The following FAM200B variants were observed in gnomAD, a reference collection of about 807,000 sequenced individuals.
FAM200B encodes the protein protein FAM200B.
In FAM200B, 32 loss-of-function variants were observed where a neutral mutation model predicts 33.1. That is an observed-to-expected ratio of 0.97 (90% confidence interval 0.73 to 1.30). The LOEUF is 1.30. Ranked by LOEUF, FAM200B falls within the 50% of genes most tolerant of loss-of-function variation. FAM200B has a pLI of 0.00. For missense variants in FAM200B, 741 were observed against 754.0 expected, an observed-to-expected ratio of 0.98 and a Z score of 0.20; for synonymous variants, 240 against 264.8, an observed-to-expected ratio of 0.91 and a Z score of 0.91.
the FAM200B span, among the ~76,000 whole-genome samples, chr4:15,667,809 A>G: frequency 1.3e-5 from 2 of 152,160 alleles, no homozygotes; most frequent in Admixed American, 6.5e-5. Context: ...TGGGATGCCA[A>G]TGTGGGCGGA....
In FAM200B at chr4:15,687,240, T is replaced by C; in HGVS notation, c.263T>C (p.Ile88Thr). Residue 88 changes from isoleucine to threonine, a missense_variant, in exon 2 of 2, where the codon ATT becomes ACT. Transcript: ENST00000422728. ...PFENDRPQCV[I>T]CNNILANESL... is the part of the protein sequence containing the mutation. ...GAAAATGACAGACCTCAGTGTGTTATTTGTAATAATATTCTTGCGAATGAA... is the reference window on the plus strand; with the variant it reads ...GAAAATGACAGACCTCAGTGTGTTACTTGTAATAATATTCTTGCGAATGAA... 6.5e-7 allele frequency: 1 copy of C among 1,544,060 alleles called. No homozygotes were observed. Among genetic ancestry groups the C allele is most frequent in the Non-Finnish European group, 8.7e-7 (1 of 1,144,630 alleles).
chr4:15,639,934 A>C, the FAM200B span, among the ~76,000 whole-genome samples: 2 of 152,186 alleles, frequency 1.3e-5, no homozygotes, highest in Non-Finnish European at 2.9e-5. Context: ...TCTATTTCTT[A>C]CTCTGATATT....
At chr4:15,664,077 A>G in the FAM200B span, among the ~76,000 whole-genome samples, 1 of 152,238 alleles carries the variant, frequency 6.6e-6, no homozygotes, top group African/African-American at 2.4e-5. Flanking sequence ...CCAAGATTCA[A>G]ACTTAGGCAG....
chr4:15,669,594 A>G, the FAM200B span, among the ~76,000 whole-genome samples: 7 of 152,332 alleles, frequency 4.6e-5, no homozygotes, highest in East Asian at 1.4e-3. Context: ...GAATGATAAT[A>G]AATACTCCCC....
At chr4:15,678,625 C>T (rs1208710127), upstream of FAM200B, among the ~76,000 whole-genome samples, 1 of 152,196 alleles carries the variant, frequency 6.6e-6, no homozygotes, top group African/African-American at 2.4e-5. Context: ...AAATGATCTT[C>T]TGCATTCCTT....
At chr4:15,678,337 TACTC>T (rs1718068957), upstream of FAM200B, among the ~76,000 whole-genome samples, 1 of 152,212 alleles carries the variant, frequency 6.6e-6, no homozygotes, top group African/African-American at 2.4e-5. Context: ...CCCAATAACT[TACTC>T]AGAATTTGGC....
At chr4:15,665,068 C>G in the FAM200B span, among the ~76,000 whole-genome samples, 3 of 152,106 alleles carry the variant, frequency 2.0e-5, no homozygotes, top group Admixed American at 2.0e-4. Context: ...TAAATTCACT[C>G]CCACTACAGC....
At position 15,688,109 on chromosome 4, in the gene FAM200B, A is replaced by T; in HGVS notation, c.1132A>T (p.Thr378Ser). ...TTGTTCAGAGATTGGAACTAATCAT[A>T]CCCACTTACTATATCATACCAAAAT... Reference protein sequence around the residue: ...TFCSEIGTNHTHLLYHTKIRW... With the variant: ...TFCSEIGTNHSHLLYHTKIRW... The change falls in exon 2 of 2, where the codon ACC becomes TCC. Residue 378 changes from threonine (T) to serine (S), a missense_variant. By Grantham distance (58) the Thr-to-Ser change is moderately conservative (BLOSUM62 1). Transcript: ENST00000422728. 1 of 1,551,326 alleles carries T rather than the reference A, an allele frequency of 6.4e-7. No homozygotes were observed. Among genetic ancestry groups the T allele is most frequent in the Admixed American group, 2.0e-5 (1 of 50,982 alleles).
chr4:15,673,724 C>G, the FAM200B span, among the ~76,000 whole-genome samples: 1 of 152,212 alleles, frequency 6.6e-6, no homozygotes, highest in Non-Finnish European at 1.5e-5. Context: ...GAGATTCATT[C>G]CAGATCACTA....
In FAM200B at chr4:15,687,654, C is replaced by T; in HGVS notation, c.677C>T (p.Ala226Val). Residue 226 changes from alanine (A) to valine (V), a missense_variant, in exon 2 of 2, where the codon GCA becomes GTA. By Grantham distance (64) the Ala-to-Val change is moderately conservative. Coordinates refer to ENST00000422728, the MANE Select transcript of FAM200B (RefSeq NM_001145191.2). The stretch of plus-strand genomic sequence containing the variant: ...CGTTTACAGTCTGGTATAGATTTTG[C>T]AATCCAGCTTGATGAAAGCACTGAT... ...ITRLQSGIDF[A>V]IQLDESTDIG... 1 of 1,551,036 alleles carries T rather than the reference C, an allele frequency of 6.4e-7. No individual in the cohort carries two copies. Among genetic ancestry groups the T allele is most frequent in the South Asian group, 1.2e-5 (1 of 84,050 alleles).
rs751232793 is a variant in FAM200B, at chr4:15,688,547, C to T, written c.1570C>T (p.Pro524Ser). The stretch of plus-strand genomic sequence containing the variant: ...GTCTCAAACTTTTAACCATTTCTTT[C>T]CAGAAGAAAAATTTGAAACATTAAG... ...SLSQTFNHFFPEEKFETLREN... is the reference protein window; with the variant it reads ...SLSQTFNHFFSEEKFETLREN... Residue 524 changes from proline (P) to serine (S), a missense_variant, in exon 2 of 2, where the codon CCA becomes TCA. Pro to Ser is a moderately conservative substitution (Grantham distance 74). Coordinates refer to ENST00000422728, the MANE Select transcript of FAM200B (RefSeq NM_001145191.2). 3 of 1,548,694 alleles carry T rather than the reference C, an allele frequency of 1.9e-6. No individual in the cohort carries two copies. The East Asian group carries it at 7.3e-5, about 38-fold the overall frequency.
At chr4:15,644,536 G>T in the FAM200B span, 8 of 1,613,930 alleles carry the variant, frequency 5.0e-6, no homozygotes, top group Non-Finnish European at 5.9e-6. Flanking sequence ...AAGCATCTCG[G>T]AGAGTTTATT....
the FAM200B span, among the ~76,000 whole-genome samples, chr4:15,675,052 C>G: frequency 6.6e-6 from 1 of 152,124 alleles, no homozygotes; most frequent in African/African-American, 2.4e-5. Context: ...AAGCAGTGGG[C>G]CTGCCACTAC....
At chr4:15,654,984 G>T in the FAM200B span, among the ~76,000 whole-genome samples, 1 of 151,706 alleles carries the variant, frequency 6.6e-6, no homozygotes, top group Non-Finnish European at 1.5e-5. Context: ...CGCCCGCCCC[G>T]AGAGCACGTC....
At chr4:15,660,415 C>T in the FAM200B span, among the ~76,000 whole-genome samples, 4 of 152,028 alleles carry the variant, frequency 2.6e-5, no homozygotes, top group Non-Finnish European at 5.9e-5. Flanking sequence ...AACAGAGTAC[C>T]AAAAAATCCC....
chr4:15,678,487 T>G (rs929279233), upstream of FAM200B, among the ~76,000 whole-genome samples: 1 of 152,194 alleles, frequency 6.6e-6, no homozygotes, highest in Non-Finnish European at 1.5e-5. Context: ...TTACAATTCA[T>G]GCAAACGAAG....
chr4:15,659,537 T>TC, the FAM200B span, among the ~76,000 whole-genome samples: 1 of 152,208 alleles, frequency 6.6e-6, no homozygotes, highest in Non-Finnish European at 1.5e-5. Context: ...CTACGTTAAC[T>TC]GTCCAAATAT....
chr4:15,639,760 A>C, the FAM200B span, among the ~76,000 whole-genome samples: 8 of 152,328 alleles, frequency 5.3e-5, no homozygotes, highest in South Asian at 1.7e-3. Context: ...CCTCTGATTT[A>C]ACTCTGATGT....
At chr4:15,662,418 T>G in the FAM200B span, among the ~76,000 whole-genome samples, 1 of 152,208 alleles carries the variant, frequency 6.6e-6, no homozygotes, top group South Asian at 2.1e-4. Flanking sequence ...CTTCATAGTG[T>G]TGTTGTAAAG....
Sources: gnomAD v4.1 joint callset for allele counts (sites outside exome capture counted in the v4.1 genomes callset) on GRCh38, gnomAD v4.1.1 for gene constraint, MANE v1.5 for transcripts, NCBI Gene and HGNC (gene_info 2026-07-23, HGNC 2026-07-21) for gene names.